The following BIRC2 variants were observed in gnomAD, a reference collection of about 807,000 sequenced individuals.
BIRC2 encodes the protein baculoviral IAP repeat containing 2, also known as baculoviral IAP repeat-containing protein 2.
A neutral mutation model predicts 60.9 loss-of-function variants in BIRC2; 18 were observed. That is an observed-to-expected ratio of 0.30 (90% CI 0.20 to 0.44). The LOEUF (loss-of-function observed/expected upper bound fraction) is 0.44, where lower values mean the gene tolerates loss of function less well. BIRC2 is among the 20% of genes least tolerant of loss of function. The pLI is 1.00. For synonymous variants in BIRC2, 282 were observed against 247.7 expected (o/e 1.14, Z -1.30); for missense variants, 701 against 728.5 (o/e 0.96, Z 0.43).
chr11:102,368,355 GAAT>G lies in BIRC2; in HGVS notation c.1175_1177del (p.Asn392del), dbSNP rs374365048. ...GTTCTTCAGAAGATGCTGTCATGAT[GAAT>G]ACACCTGTGGTTAAATCTGCCTTGG... On this transcript the variant is annotated inframe_deletion, in exon 6 of 9. Coordinates refer to ENST00000227758, the MANE Select transcript of BIRC2 (RefSeq NM_001166.5). The G allele has an allele frequency of 2.0e-4, 316 of 1,613,928 alleles. 2 individuals are homozygous for G. The South Asian group carries it at 2.8e-3, about 14-fold the overall frequency.
chr11:102,357,840 T>C (rs1317215703), intron 3 of BIRC2, among the ~76,000 whole-genome samples: 1 of 152,192 alleles, frequency 6.6e-6, no homozygotes, highest in Non-Finnish European at 1.5e-5. Context: ...AATTACGGTG[T>C]TTATTTAAGA....
At chr11:102,372,553 C>CT (rs2135822301) in intron 6 of BIRC2, among the ~76,000 whole-genome samples, 1 of 151,070 alleles carries the variant, frequency 6.6e-6, no homozygotes, top group African/African-American at 2.4e-5. Flanking sequence ...AATTTCTGTT[C>CT]TTTTACATTT....
intron 6 of BIRC2, among the ~76,000 whole-genome samples, chr11:102,377,256 A>G (rs749777816): frequency 1.3e-4 from 20 of 152,226 alleles, no homozygotes; most frequent in Non-Finnish European, 2.6e-4. Flanking sequence ...AATCTCTTGC[A>G]ACAAAATAAA....
At chr11:102,363,786 G>A in intron 5 of BIRC2, 70 bp downstream of exon 5, 3 of 1,269,404 alleles carry the variant, frequency 2.4e-6, no homozygotes, top group South Asian at 2.5e-5. Flanking sequence ...GCTGGGTGCA[G>A]TGGCTCATGC....
chr11:102,366,490 C>CT (rs1359656977), intron 5 of BIRC2, among the ~76,000 whole-genome samples: 5 of 152,166 alleles, frequency 3.3e-5, no homozygotes, highest in Non-Finnish European at 7.4e-5. Context: ...CCTCAGCCTC[C>CT]CAGGTAGCTG....
rs1271885648 is a variant in BIRC2 at position 102,364,172 on chromosome 11, T to TATAC, written c.1123+458_1123+461dup. Among the ~76,000 whole-genome samples the TATAC allele has an allele frequency of 4.3e-4, 39 of 89,672 alleles. No individual in the cohort carries two copies. In the East Asian group the frequency reaches 5.1e-3, roughly 12 times the overall value. 58.8% of individuals were successfully genotyped at this position (89,672 alleles called of 152,430 possible). ...ATATATATATATATATATATATATA[T>TATAC]ATACACACACACACAGAGAGAGAGA... On this transcript the variant is annotated intron_variant, in intron 5 of 8. Transcript: ENST00000227758.
intron 3 of BIRC2, among the ~76,000 whole-genome samples, chr11:102,354,489 G>T (rs878866282): frequency 6.6e-6 from 1 of 152,124 alleles, no homozygotes; most frequent in Non-Finnish European, 1.5e-5. Context: ...GAACCACCAC[G>T]CCCAGCCAGG....
intron 3 of BIRC2, among the ~76,000 whole-genome samples, chr11:102,356,256 C>T (rs1159038080): frequency 2.8e-5 from 4 of 143,758 alleles, no homozygotes; most frequent in South Asian, 2.2e-4. Context: ...AATGCAGTGG[C>T]GCAATCTGAG....
chr11:102,351,380 C>A (rs1240680367), intron 3 of BIRC2, among the ~76,000 whole-genome samples: 2 of 151,526 alleles, frequency 1.3e-5, no homozygotes, highest in Non-Finnish European at 2.9e-5. Flanking sequence ...TTTGGGAGGC[C>A]GAGATAGGTG....
intron 3 of BIRC2, among the ~76,000 whole-genome samples, chr11:102,358,706 T>G (rs1951450492): frequency 6.6e-6 from 1 of 152,216 alleles, no homozygotes; most frequent in Admixed American, 6.5e-5. Context: ...AATTGGCCCC[T>G]TTCTCATTAT....
chr11:102,364,174 T>TATATATATATAA (rs1389968594), intron 5 of BIRC2, among the ~76,000 whole-genome samples: 2 of 78,114 alleles, frequency 2.6e-5, no homozygotes, highest in African/African-American at 6.7e-5. Flanking sequence ...TATATATATA[T>TATATATATATAA]ACACACACAC....
chr11:102,350,798 A>G (rs759435066), intron 2 of BIRC2, 46 bp from the exon 3 acceptor site: 33 of 1,607,852 alleles, frequency 2.1e-5, no homozygotes, highest in Non-Finnish European at 2.5e-5. Flanking sequence ...TAATTTACAT[A>G]TTAGAACATA....
intron 3 of BIRC2, among the ~76,000 whole-genome samples, chr11:102,362,225 C>T (rs1425068479): frequency 6.6e-6 from 1 of 151,916 alleles, no homozygotes; most frequent in Non-Finnish European, 1.5e-5. Flanking sequence ...ACTATTTTTG[C>T]ATATAATATG....
intron 1 of BIRC2, chr11:102,348,290 G>A (rs1951315045): frequency 6.5e-6 from 1 of 152,994 alleles, no homozygotes; most frequent in South Asian, 2.0e-4. Context: ...GAGTGCCAGA[G>A]TTACCTTTAG....
At position 102,349,017 on chromosome 11, in the gene BIRC2, C is replaced by G. The variant is rs1035141391; in HGVS notation, c.-838C>G. On this transcript the variant is annotated 5_prime_UTR_variant, in exon 2 of 9. Transcript: ENST00000227758. ...CTAACTAAGTTTATGGAGAAAATACCTTCAGTTGATCAAGAATAATAGTGG... is the reference window on the plus strand; with the variant it reads ...CTAACTAAGTTTATGGAGAAAATACGTTCAGTTGATCAAGAATAATAGTGG... The G allele has an allele frequency of 1.0e-4, 16 of 154,030 alleles. No homozygotes were observed. Among genetic ancestry groups the G allele is most frequent in the African/African-American group, 3.6e-4 (15 of 41,548 alleles). 9.5% of individuals were successfully genotyped at this position (154,030 alleles called of 1,614,324 possible). A position where few individuals can be genotyped will look rare whatever the true frequency, so the allele number is the denominator to read the frequency against.
intron 6 of BIRC2, among the ~76,000 whole-genome samples, chr11:102,372,553 C>G (rs1345274705): frequency 1.3e-5 from 2 of 150,954 alleles, no homozygotes; most frequent in Non-Finnish European, 3.0e-5. Context: ...AATTTCTGTT[C>G]TTTTACATTT....
intron 1 of BIRC2, 106 bp downstream of exon 1, chr11:102,347,482 C>T (rs1574410): frequency 0.043 from 6,482 of 152,384 alleles, 191 homozygotes; most frequent in Non-Finnish European, 0.069. Context: ...AAGGACGGGG[C>T]CTGAGGCCCT....
Position 102,350,229 on chromosome 11 carries a change from T to C in BIRC2, c.375T>C (p.Ser125=), listed in dbSNP as rs1371002747. 2 of 1,614,222 alleles carry C rather than the reference T, an allele frequency of 1.2e-6. No individual in the cohort carries two copies. The highest frequency in any genetic ancestry group is 1.7e-6 in the Non-Finnish European group (2 of 1,180,032). The part of the protein sequence containing the change: ...NLVSASLGST[S]KNTSPMRNSF... The stretch of plus-strand genomic sequence containing the variant: ...TTTCAGCTAGTCTGGGATCCACCTC[T>C]AAGAATACGTCTCCAATGAGAAACA... Residue 125 remains serine (S), a synonymous_variant, in exon 2 of 9, where the codon TCT becomes TCC. Coordinates refer to ENST00000227758, the MANE Select transcript of BIRC2 (RefSeq NM_001166.5).
intron 3 of BIRC2, among the ~76,000 whole-genome samples, chr11:102,357,316 CTTCCTCCTTCT>C (rs1951434086): frequency 6.6e-6 from 1 of 151,016 alleles, no homozygotes; most frequent in Non-Finnish European, 1.5e-5. Context: ...TTTCTTTCTT[CTTCCTCCTTCT>C]TTCCTCCTCC....
Sources: allele counts gnomAD v4.1 joint callset (sites outside exome capture counted in the v4.1 genomes callset), GRCh38; gene constraint gnomAD v4.1.1; transcripts MANE v1.5; gene names NCBI Gene and HGNC (gene_info 2026-07-23, HGNC 2026-07-21).